NLGN1: variants seen among roughly 807,000 people sequenced by gnomAD.
NLGN1 encodes the protein neuroligin-1.
Under a neutral mutation model 65.5 loss-of-function variants are expected in NLGN1, and 12 were observed. That is an observed-to-expected ratio of 0.18 (90% CI 0.12 to 0.30). NLGN1 has a LOEUF of 0.30. NLGN1 is among the 10% of genes least tolerant of loss of function. NLGN1 has a pLI of 1.00. For synonymous variants in NLGN1, 350 were observed against 359.5 expected, an observed-to-expected ratio of 0.97 and a Z score of 0.30; for missense variants, 750 against 1,007.1, an observed-to-expected ratio of 0.74 and a Z score of 3.46.
At chr3:173,604,479 C>T in exon 3 of NLGN1, 1 of 1,105,836 alleles carries the variant, frequency 9.0e-7, no homozygotes. Flanking sequence ...CAGAGCTTTT[C>T]TCGACAAGCT....
In NLGN1 at chr3:173,560,809, G is replaced by C. The variant is rs16827828; in HGVS notation, c.-320-43470G>C. On this transcript the variant is annotated intron_variant, in intron 2 of 6. Transcript: ENST00000457714. ...TTTTCACATCTGGAAAACCCTTTTT[G>C]AGATAGTTCAGTACTAGAGAAGTTC... Among the ~76,000 whole-genome samples the C allele has an allele frequency of 4.9e-3, 750 of 152,128 alleles. 7 individuals are homozygous for C. The highest frequency in any genetic ancestry group is 0.017 in the African/African-American group (718 of 41,530).
At chr3:174,294,039 T>C in the NLGN1 span, among the ~76,000 whole-genome samples, 8 of 151,756 alleles carry the variant, frequency 5.3e-5, no homozygotes, top group African/African-American at 1.9e-4. Flanking sequence ...AAGGTTTTTA[T>C]CTACCAATTT....
intron 3 of NLGN1, among the ~76,000 whole-genome samples, chr3:173,752,183 A>C (rs1426436827): frequency 6.6e-6 from 1 of 152,162 alleles, no homozygotes; most frequent in Non-Finnish European, 1.5e-5. Flanking sequence ...CTCTTCTGCC[A>C]GACTTCTGAA....
At chr3:173,869,935 A>T (rs186613772) in intron 4 of NLGN1, among the ~76,000 whole-genome samples, 1 of 152,290 alleles carries the variant, frequency 6.6e-6, no homozygotes, top group East Asian at 1.9e-4. Context: ...TAAATTGAGC[A>T]CACATTTGAA....
intron 4 of NLGN1, among the ~76,000 whole-genome samples, chr3:174,242,118 A>G (rs919104364): frequency 6.6e-6 from 1 of 152,098 alleles, no homozygotes; most frequent in East Asian, 1.9e-4. Context: ...CCCTACTACT[A>G]CTTACCAGCA....
At chr3:173,828,945 T>G (rs1317099864) in intron 4 of NLGN1, among the ~76,000 whole-genome samples, 1 of 152,050 alleles carries the variant, frequency 6.6e-6, no homozygotes, top group Non-Finnish European at 1.5e-5. Flanking sequence ...GGGATTAATT[T>G]GGAAAGGCAC....
chr3:174,093,466 A>C (rs1417192866), intron 4 of NLGN1, among the ~76,000 whole-genome samples: 1 of 152,336 alleles, frequency 6.6e-6, no homozygotes, highest in South Asian at 2.1e-4. Context: ...GAAGGAAGTA[A>C]AGGCTCATCT....
intron 2 of NLGN1, among the ~76,000 whole-genome samples, chr3:173,539,693 C>CATATATACATATATGTGT (rs1560406627): frequency 6.3e-5 from 6 of 95,392 alleles, no homozygotes; most frequent in African/African-American, 2.7e-4. Flanking sequence ...CATATATGTA[C>CATATATACATATATGTGT]ATATGCACAT....
chr3:174,034,023 G>A (rs891107817), intron 4 of NLGN1, among the ~76,000 whole-genome samples: 3 of 152,024 alleles, frequency 2.0e-5, no homozygotes, highest in African/African-American at 7.2e-5. Context: ...TCATATTCAA[G>A]CTGCAGAAAA....
At chr3:174,289,572 G>T (rs1752492407), downstream of NLGN1, among the ~76,000 whole-genome samples, 1 of 151,082 alleles carries the variant, frequency 6.6e-6, no homozygotes, top group Non-Finnish European at 1.5e-5. Flanking sequence ...GAATTTCTGG[G>T]TTCCTGGTGC....
intron 1 of NLGN1, among the ~76,000 whole-genome samples, chr3:173,430,794 C>T (rs776125588): frequency 1.4e-4 from 22 of 152,296 alleles, no homozygotes; most frequent in Middle Eastern, 3.4e-3. Context: ...TGCTTCCCAC[C>T]GTGTGATCTT....
chr3:173,563,732 T>G (rs1226715474), intron 2 of NLGN1, among the ~76,000 whole-genome samples: 1 of 152,152 alleles, frequency 6.6e-6, no homozygotes, highest in Non-Finnish European at 1.5e-5. Context: ...GATTTACCTT[T>G]AAATACATAA....
intron 2 of NLGN1, among the ~76,000 whole-genome samples, chr3:173,574,876 G>A (rs1745261566): frequency 6.6e-6 from 1 of 152,160 alleles, no homozygotes; most frequent in South Asian, 2.1e-4. Flanking sequence ...CATTTGATCT[G>A]CCACTCCAAT....
chr3:173,462,786 T>C (rs114244386), intron 2 of NLGN1, among the ~76,000 whole-genome samples: 11,293 of 152,288 alleles, frequency 0.074, 486 homozygotes, highest in Middle Eastern at 0.2. Context: ...AAAATAATTG[T>C]CATTAATTTG....
intron 3 of NLGN1, among the ~76,000 whole-genome samples, chr3:173,754,591 G>C (rs773025810): frequency 1.3e-5 from 2 of 152,180 alleles, no homozygotes; most frequent in African/African-American, 4.8e-5. Context: ...CCTGGGCTTA[G>C]AATAGTACTT....
At chr3:173,772,057 C>T (rs1779668459) in intron 3 of NLGN1, among the ~76,000 whole-genome samples, 1 of 151,906 alleles carries the variant, frequency 6.6e-6, no homozygotes, top group African/African-American at 2.4e-5. Context: ...CGGAACAAAA[C>T]CCAGGGCATA....
At chr3:173,517,468 C>G (rs1359184043) in intron 2 of NLGN1, among the ~76,000 whole-genome samples, 1 of 152,030 alleles carries the variant, frequency 6.6e-6, no homozygotes, top group Non-Finnish European at 1.5e-5. Context: ...ATTCTGTACC[C>G]ACTACTCATT....
chr3:174,175,556 C>T (rs1729291942), intron 4 of NLGN1, among the ~76,000 whole-genome samples: 1 of 151,678 alleles, frequency 6.6e-6, no homozygotes, highest in South Asian at 2.1e-4. Flanking sequence ...TTACATTATC[C>T]AACCCCTATT....
At chr3:174,107,195 T>C (rs1220708850) in intron 4 of NLGN1, among the ~76,000 whole-genome samples, 1 of 152,076 alleles carries the variant, frequency 6.6e-6, no homozygotes, top group African/African-American at 2.4e-5. Flanking sequence ...GCCAGGATAT[T>C]GATATTGATA....
Sources: allele counts gnomAD v4.1 joint callset (sites outside exome capture counted in the v4.1 genomes callset), GRCh38; gene constraint gnomAD v4.1.1; transcripts MANE v1.5; gene names NCBI Gene and HGNC (gene_info 2026-07-23, HGNC 2026-07-21).